The following HIVEP2 variants were observed in gnomAD, a reference collection of about 807,000 sequenced individuals.
HIVEP2 encodes transcription factor HIVEP2.
In HIVEP2, 14 loss-of-function variants were observed where a neutral mutation model predicts 180.7. The ratio of observed to expected loss-of-function variants is 0.08; its 90% CI spans 0.05 to 0.12. The LOEUF (loss-of-function observed/expected upper bound fraction) is 0.12, where lower values mean the gene tolerates loss of function less well. HIVEP2 is among the 10% of genes least tolerant of loss of function. The probability of loss-of-function intolerance (pLI) is 1.00; values close to 1 mark genes in which losing one functional copy is unlikely to be tolerated. For synonymous variants in HIVEP2, 1,184 were observed against 1,136.4 expected (o/e 1.04, Z -0.84); for missense variants, 2,579 against 3,008.5 (o/e 0.86, Z 3.34).
chr6:142,906,367 A>T (rs1777265318), intron 1 of HIVEP2, among the ~76,000 whole-genome samples: 1 of 152,044 alleles, frequency 6.6e-6, no homozygotes, highest in Non-Finnish European at 1.5e-5. Context: ...AATATATAAA[A>T]AGCTCATAGA....
rs1418087521 is a variant in HIVEP2 at position 142,769,042 on chromosome 6, T to A, written c.5188-506A>T. On this transcript the variant is annotated intron_variant, in intron 5 of 9. Transcript: ENST00000367603. ...AAGGCATTGATGGTTCTTGTAGGAA[T>A]AAACCAGCCAGCAACTTGGAAAAAT... is the stretch of plus-strand genomic sequence containing the variant. 2.7e-5 allele frequency among the ~76,000 whole-genome samples: 4 copies of A among 149,086 alleles called. No individual in the cohort carries two copies. The East Asian group carries it at 7.7e-4, about 29-fold the overall frequency.
Position 142,764,985 on chromosome 6 carries a change from A to C in HIVEP2, c.5343-11T>G. The C allele has an allele frequency of 6.3e-7, 1 of 1,595,046 alleles. No individual in the cohort carries two copies. Among genetic ancestry groups the C allele is most frequent in the South Asian group, 1.1e-5 (1 of 89,652 alleles). Reference sequence around the variant, plus strand: ...TCATTCGATTTGTACCTGTTTTAAAAAGAGGGAATCCAGTGTGTTTTCAAA... The same window carrying C: ...TCATTCGATTTGTACCTGTTTTAAACAGAGGGAATCCAGTGTGTTTTCAAA... On this transcript the variant is annotated splice_polypyrimidine_tract_variant and intron_variant, in intron 6 of 9. Coordinates refer to ENST00000367603, the MANE Select transcript of HIVEP2 (RefSeq NM_006734.4).
intron 1 of HIVEP2, among the ~76,000 whole-genome samples, chr6:142,855,078 T>G (rs998313): frequency 0.18 from 26,939 of 152,060 alleles, 2,574 homozygotes; most frequent in South Asian, 0.22. Context: ...TCCCAAAAGG[T>G]AAAGAGAAGG....
At chr6:142,754,891 T>TCTAA (rs2114589783) in intron 9 of HIVEP2, among the ~76,000 whole-genome samples, 1 of 152,318 alleles carries the variant, frequency 6.6e-6, no homozygotes. Flanking sequence ...CAACTTAGAT[T>TCTAA]GTCAGATTAT....
intron 2 of HIVEP2, among the ~76,000 whole-genome samples, chr6:142,828,906 A>G (rs9373363): frequency 0.25 from 38,725 of 152,016 alleles, 5,176 homozygotes; most frequent in African/African-American, 0.29. Flanking sequence ...CCTGTTTCCC[A>G]CCTTTCATAG....
At chr6:142,798,175 C>T (rs1234876851) in intron 2 of HIVEP2, among the ~76,000 whole-genome samples, 1 of 151,760 alleles carries the variant, frequency 6.6e-6, no homozygotes, top group Non-Finnish European at 1.5e-5. Flanking sequence ...AGGAGACAGT[C>T]AGACACCCCA....
At chr6:142,862,905 A>G (rs1400496995) in intron 1 of HIVEP2, among the ~76,000 whole-genome samples, 2 of 30,490 alleles carry the variant, frequency 6.6e-5, no homozygotes, top group East Asian at 7.4e-4. Flanking sequence ...AATAGATTAT[A>G]TGTATTATAT....
intron 2 of HIVEP2, among the ~76,000 whole-genome samples, chr6:142,827,133 C>T (rs573352): frequency 0.79 from 120,494 of 152,064 alleles, 48,361 homozygotes; most frequent in Non-Finnish European, 0.86. Flanking sequence ...TGGTTTGATA[C>T]AATTTAAAAT....
At chr6:142,898,382 C>T (rs906952899) in intron 1 of HIVEP2, among the ~76,000 whole-genome samples, 1 of 152,174 alleles carries the variant, frequency 6.6e-6, no homozygotes, top group Non-Finnish European at 1.5e-5. Context: ...GTCACACAGG[C>T]CGCGCGCAGT....
chr6:142,774,192 G>A lies in HIVEP2; in HGVS notation c.547C>T (p.Pro183Ser). 6.2e-7 allele frequency: 1 copy of A among 1,614,118 alleles called. No homozygotes were observed. Among genetic ancestry groups the A allele is most frequent in the Admixed American group, 1.7e-5 (1 of 60,030 alleles). ...CAAATGTACTTGCCAGGCTTTTTGGGTTTGTGCTCTTTCTTGTGAGCCTCT... is the reference window on the plus strand; with the variant it reads ...CAAATGTACTTGCCAGGCTTTTTGGATTTGTGCTCTTTCTTGTGAGCCTCT... ...AEEAHKKEHK[P>S]KKPGKYICPY... Residue 183 changes from proline to serine, a missense_variant, in exon 5 of 10, where the codon CCC (proline) becomes TCC (serine). Coordinates refer to ENST00000367603, the MANE Select transcript of HIVEP2 (RefSeq NM_006734.4). The surrounding 1 kb of genome is among the most constrained non-coding windows in gnomAD (Gnocchi z 5.1).
chr6:142,769,572 C>T lies in HIVEP2; in HGVS notation c.5167G>A (p.Ala1723Thr). 1 of 1,614,072 alleles carries T rather than the reference C, an allele frequency of 6.2e-7. No individual in the cohort carries two copies. The highest frequency in any genetic ancestry group is 8.5e-7 in the Non-Finnish European group (1 of 1,179,994). ...PGTGKLTSSS[A>T]WKQFTQMKPD... Reference sequence around the variant, plus strand: ...GTTACCTGAGTAAACTGCTTCCAAGCACTTGATGATGTAAGCTTGCCGGTT... The same window carrying T: ...GTTACCTGAGTAAACTGCTTCCAAGTACTTGATGATGTAAGCTTGCCGGTT... The change falls in exon 5 of 10, where the codon GCT becomes ACT. Residue 1723 changes from alanine (A) to threonine (T), a missense_variant. By Grantham distance (58) the Ala-to-Thr change is moderately conservative. Transcript: ENST00000367603.
chr6:142,859,019 G>T (rs1450299935), intron 1 of HIVEP2, among the ~76,000 whole-genome samples: 2 of 152,072 alleles, frequency 1.3e-5, no homozygotes, highest in Non-Finnish European at 2.9e-5. Context: ...CAGCACACCT[G>T]GCACATAACA....
intron 9 of HIVEP2, among the ~76,000 whole-genome samples, chr6:142,758,722 C>A (rs1240879974): frequency 6.6e-6 from 1 of 152,148 alleles, no homozygotes; most frequent in African/African-American, 2.4e-5. Context: ...TTGTATTAAA[C>A]CTACTGCTTA....
intron 2 of HIVEP2, among the ~76,000 whole-genome samples, chr6:142,813,573 G>GTTTT (rs1197621182): frequency 1.5e-5 from 2 of 131,296 alleles, no homozygotes; most frequent in African/African-American, 2.8e-5. Flanking sequence ...TCAGTTCAGA[G>GTTTT]TTTTTTTTTT....
intron 1 of HIVEP2, among the ~76,000 whole-genome samples, chr6:142,856,880 G>T (rs533549169): frequency 2.0e-5 from 3 of 152,308 alleles, no homozygotes; most frequent in Admixed American, 2.0e-4. Flanking sequence ...TCAGTGACTG[G>T]TCCGAGACCA....
chr6:142,812,839 G>C (rs2114800340), intron 2 of HIVEP2, among the ~76,000 whole-genome samples: 1 of 152,226 alleles, frequency 6.6e-6, no homozygotes, highest in Admixed American at 6.5e-5. Context: ...TAATACAGTG[G>C]ATGGCAGATT....
intron 1 of HIVEP2, among the ~76,000 whole-genome samples, chr6:142,852,704 G>T (rs1423118222): frequency 6.6e-6 from 1 of 152,150 alleles, no homozygotes; most frequent in Non-Finnish European, 1.5e-5. Flanking sequence ...CTCCAAAGAA[G>T]TCACTGGCCC....
At chr6:142,928,918 C>A (rs1435083435) in intron 1 of HIVEP2, among the ~76,000 whole-genome samples, 1 of 152,182 alleles carries the variant, frequency 6.6e-6, no homozygotes, top group African/African-American at 2.4e-5. Context: ...TAATCACATC[C>A]AACTGCTTTA....
chr6:142,870,795 A>C (rs1776273019), intron 1 of HIVEP2, among the ~76,000 whole-genome samples: 1 of 152,186 alleles, frequency 6.6e-6, no homozygotes. Flanking sequence ...GAACCAGGAC[A>C]GGAGGCAAGC....
Sources: gnomAD v4.1 joint callset for allele counts (sites outside exome capture counted in the v4.1 genomes callset) on GRCh38, gnomAD v4.1.1 for gene constraint, Gnocchi (gnomAD v3.1) non-coding constraint, MANE v1.5 for transcripts, NCBI Gene and HGNC (gene_info 2026-07-23, HGNC 2026-07-21) for gene names.